PHF12: variants seen among roughly 807,000 people sequenced by gnomAD.
PHF12 encodes PHD finger protein 12, also known as PHD factor 1.
A neutral mutation model predicts 99.8 loss-of-function variants in PHF12; 6 were observed. The observed-to-expected ratio is 0.06, with a 90% CI of 0.03 to 0.12. The LOEUF (loss-of-function observed/expected upper bound fraction) is 0.12. Ranked by LOEUF, PHF12 falls within the 10% of genes least tolerant of loss-of-function variation. PHF12 has a pLI of 1.00. For synonymous variants in PHF12, 480 were observed against 514.9 expected, an observed-to-expected ratio of 0.93 and a Z score of 0.92; for missense variants, 954 against 1,300.1, an observed-to-expected ratio of 0.73 and a Z score of 4.09.
chr17:28,939,354 T>C (rs1028237285), intron 2 of PHF12, among the ~76,000 whole-genome samples: 1 of 152,258 alleles, frequency 6.6e-6, no homozygotes, highest in African/African-American at 2.4e-5. Context: ...GAAAGTTAAA[T>C]ATAGCCAACC....
In PHF12 at chr17:28,924,107, T is replaced by A. The variant is rs1479140578; in HGVS notation, c.517A>T (p.Thr173Ser). ...TTCTGCTCAGAGGTGGGAGTCTCTG[T>A]GCTGGCGCTGGATGTGGGTGTGCCA... The part of the protein sequence containing the change: ...RPGTPTSSAS[T>S]ETPTSEQNDV... Residue 173 changes from threonine (T) to serine (S), a missense_variant, in exon 4 of 15, where the codon ACA becomes TCA. Coordinates refer to ENST00000332830, the MANE Select transcript of PHF12 (RefSeq NM_001033561.2). 3.1e-6 allele frequency: 5 copies of A among 1,614,220 alleles called. No homozygotes were observed. The highest frequency in any genetic ancestry group is 1.3e-5 in the African/African-American group (1 of 75,060).
chr17:28,918,012 G>A (rs1474985200), intron 6 of PHF12, among the ~76,000 whole-genome samples: 1 of 152,218 alleles, frequency 6.6e-6, no homozygotes, highest in Non-Finnish European at 1.5e-5. Context: ...TCCTCTACTG[G>A]AAGGGAAAAC....
At chr17:28,910,123 G>A in intron 11 of PHF12, 103 bp downstream of exon 11, 1 of 1,531,672 alleles carries the variant, frequency 6.5e-7, no homozygotes, top group Non-Finnish European at 9.0e-7. Context: ...ACACAAGGAG[G>A]TTTGAGATAC....
At chr17:28,936,154 G>A (rs902360906) in intron 2 of PHF12, among the ~76,000 whole-genome samples, 3 of 152,192 alleles carry the variant, frequency 2.0e-5, no homozygotes, top group South Asian at 2.1e-4. Flanking sequence ...GTTGATCTGA[G>A]TCTAACCTCA....
rs141726505 is a variant in PHF12, at chr17:28,912,823, C to T, written c.1748G>A (p.Arg583Gln). Residue 583 changes from arginine to glutamine, a missense_variant, in exon 9 of 15, where the codon CGG becomes CAG. Physicochemically the swap from Arg to Gln is conservative, Grantham distance 43. This residue lies in a region of PHF12 where 392 missense variants were observed against 423.1 expected (regional missense o/e 0.93). Transcript: ENST00000332830. Reference protein sequence around the residue: ...PGLSHRQGWPRPLTPPAAGGL... With the variant: ...PGLSHRQGWPQPLTPPAAGGL... ...CCCAGCCGCTGGTGGCGTGAGGGGCCGGGGCCAGCCTTGCCGGTGTGAGAG... is the reference window on the plus strand; with the variant it reads ...CCCAGCCGCTGGTGGCGTGAGGGGCTGGGGCCAGCCTTGCCGGTGTGAGAG... 1.4e-5 allele frequency: 23 copies of T among 1,607,472 alleles called. No homozygotes were observed. Among genetic ancestry groups the T allele is most frequent in the African/African-American group, 6.7e-5 (5 of 74,678 alleles).
At chr17:28,911,437 G>A (rs557493788) in intron 9 of PHF12, 200 bp from the exon 10 acceptor site, 13 of 638,328 alleles carry the variant, frequency 2.0e-5, no homozygotes, top group South Asian at 5.9e-5. Context: ...ACCCAGGCAC[G>A]CAGGAGTCTC....
intron 3 of PHF12, chr17:28,926,652 A>AT: frequency 1.5e-6 from 1 of 646,234 alleles, no homozygotes; most frequent in Non-Finnish European, 2.3e-6. Context: ...AGAAAACTCC[A>AT]TTTTCCATCA....
rs761839215 is a variant in PHF12 at position 28,906,516 on chromosome 17, C to T, written c.2682G>A (p.Arg894=). ...CGTCCTGTTTCTGGTGCCGGCGGCG[C>T]CCTGGGAAAAAGGGGGATGGTCACA... ...SIVAKVQSVI[R]RRRHQKQDEE... Residue 894 remains arginine (R), a splice_region_variant and synonymous_variant, in exon 15 of 15, where the codon AGG becomes AGA. Coordinates refer to ENST00000332830, the MANE Select transcript of PHF12 (RefSeq NM_001033561.2). The surrounding 1 kb of genome is among the most constrained non-coding windows in gnomAD (Gnocchi z 4.2). The T allele has an allele frequency of 1.3e-6, 2 of 1,592,094 alleles. No homozygotes were observed. The highest frequency in any genetic ancestry group is 1.7e-6 in the Non-Finnish European group (2 of 1,166,084).
intron 6 of PHF12, 96 bp from the exon 7 acceptor site, chr17:28,917,545 C>T (rs983106496): frequency 1.5e-6 from 2 of 1,365,492 alleles, no homozygotes; most frequent in African/African-American, 1.5e-5. Flanking sequence ...TAGAAGCCCT[C>T]AGCCACATAG....
At position 28,930,518 on chromosome 17, in the gene PHF12, G is replaced by A. The variant is rs924389303; in HGVS notation, c.249-3455C>T. The stretch of plus-strand genomic sequence containing the variant: ...GCAATGGGGCAGGCAACTGTTTTGT[G>A]GGTTAAATCACACATGAAATTACTT... On this transcript the variant is annotated intron_variant, in intron 2 of 14. Transcript: ENST00000332830. 1.8e-4 allele frequency among the ~76,000 whole-genome samples: 28 copies of A among 152,216 alleles called. 1 individual carries two copies. The highest frequency in any genetic ancestry group is 1.6e-3 in the Admixed American group (25 of 15,280).
chr17:28,914,528 C>T (rs957029915), intron 7 of PHF12, among the ~76,000 whole-genome samples: 3 of 151,754 alleles, frequency 2.0e-5, no homozygotes, highest in South Asian at 2.1e-4. Context: ...AAAAATTAGC[C>T]GGGCGTGGTG....
chr17:28,907,485 C>A, intron 13 of PHF12, 105 bp downstream of exon 13: 2 of 1,102,916 alleles, frequency 1.8e-6, no homozygotes, highest in Non-Finnish European at 2.7e-6. Flanking sequence ...AAAGAGAGGA[C>A]CCCCAATCCC....
chr17:28,914,148 C>A, intron 7 of PHF12, 111 bp from the exon 8 acceptor site: 1 of 1,224,952 alleles, frequency 8.2e-7, no homozygotes. Context: ...AAGGGACCAT[C>A]CACTCTGGGG....
At chr17:28,933,974 G>A (rs937944733) in intron 2 of PHF12, among the ~76,000 whole-genome samples, 2 of 152,190 alleles carry the variant, frequency 1.3e-5, no homozygotes, top group African/African-American at 2.4e-5. Flanking sequence ...TTGAGTCCAG[G>A]AGGGCAAAAC....
At position 28,950,171 on chromosome 17, in the gene PHF12, G is replaced by A; in HGVS notation, c.142C>T (p.Arg48Trp). The part of the protein sequence containing the change: ...KRSRKPEKEP[R>W]RSGRATNHDS... ...TGGTTGGTGGCCCTGCCGCTTCTCC[G>A]GGGCTCCTTCTCAGGCTTCCGACTG... Residue 48 changes from arginine (R) to tryptophan (W), a missense_variant, in exon 2 of 15, where the codon CGG becomes TGG. By Grantham distance (101) the Arg-to-Trp change is moderately radical. This residue lies in a region of PHF12 where 66 missense variants were observed against 69.4 expected (regional missense o/e 0.95). Transcript: ENST00000332830. The surrounding 1 kb of genome is among the most constrained non-coding windows in gnomAD (Gnocchi z 5.7). The A allele has an allele frequency of 6.2e-7, 1 of 1,613,774 alleles. No individual in the cohort carries two copies. Among genetic ancestry groups the A allele is most frequent in the Non-Finnish European group, 8.5e-7 (1 of 1,180,000 alleles).
rs1421017547 is a variant in PHF12 at position 28,913,293 on chromosome 17, A to AGGAGAGGGGGGTGAGAAGCC, written c.1294-36_1294-17dup. The AGGAGAGGGGGGTGAGAAGCC allele has an allele frequency of 6.3e-7, 1 of 1,588,416 alleles. No individual in the cohort carries two copies. Among genetic ancestry groups the AGGAGAGGGGGGTGAGAAGCC allele is most frequent in the East Asian group, 2.2e-5 (1 of 44,636 alleles). Reference sequence around the variant, plus strand: ...TACAGAGCCACTGCAATGGAAGGAGAGGAGAGGGGGGTGAGAAGCCTGAGA... The same window carrying AGGAGAGGGGGGTGAGAAGCC: ...TACAGAGCCACTGCAATGGAAGGAGAGGAGAGGGGGGTGAGAAGCCGGAGAGGGGGGTGAGAAGCCTGAGA... On this transcript the variant is annotated splice_polypyrimidine_tract_variant and intron_variant, in intron 8 of 14. Transcript: ENST00000332830.
intron 7 of PHF12, among the ~76,000 whole-genome samples, chr17:28,914,710 C>CATGA (rs1331356154): frequency 7.9e-6 from 1 of 126,236 alleles, no homozygotes; most frequent in Non-Finnish European, 1.6e-5. Context: ...AAATGCTTGA[C>CATGA]ATGAGGCCTG....
At chr17:28,922,474 A>G (rs1195290932) in intron 4 of PHF12, among the ~76,000 whole-genome samples, 1 of 152,168 alleles carries the variant, frequency 6.6e-6, no homozygotes. Flanking sequence ...CTTTGGGAAT[A>G]AAAACTAAGA....
chr17:28,910,017 A>G, intron 11 of PHF12: 1 of 738,854 alleles, frequency 1.4e-6, no homozygotes, highest in South Asian at 1.5e-5. Context: ...AAGTTACAGC[A>G]GACTTCCCCA....
Sources: gnomAD v4.1 joint callset for allele counts (sites outside exome capture counted in the v4.1 genomes callset) on GRCh38, gnomAD v4.1.1 for gene constraint, gnomAD v4.1.1 regional missense constraint, Gnocchi (gnomAD v3.1) non-coding constraint, MANE v1.5 for transcripts, NCBI Gene and HGNC (gene_info 2026-07-23, HGNC 2026-07-21) for gene names.